The following ALX3 variants were observed in gnomAD, a reference collection of about 807,000 sequenced individuals.
The protein encoded by ALX3 is homeobox protein aristaless-like 3.
ALX3 carries 17 observed loss-of-function variants against 26.3 expected under a neutral mutation model. The observed-to-expected ratio is 0.65, with a 90% CI of 0.44 to 0.97. ALX3 has a LOEUF of 0.97. ALX3 is among the 50% of genes least tolerant of loss of function. The pLI, the probability that ALX3 is intolerant of heterozygous loss-of-function variation, is 0.00. For synonymous variants in ALX3, 208 were observed against 201.4 expected (o/e 1.03, Z -0.28); for missense variants, 461 against 466.5 (o/e 0.99, Z 0.11).
intron 2 of ALX3, 36 bp downstream of exon 2, chr1:110,064,551 G>A (rs781381223): frequency 1.2e-5 from 20 of 1,611,476 alleles, no homozygotes; most frequent in Non-Finnish European, 8.5e-7. Flanking sequence ...GTGTGATAGG[G>A]GCAGCCAGAG....
At chr1:110,063,574 G>C (rs192404568) in intron 2 of ALX3, among the ~76,000 whole-genome samples, 16 of 152,184 alleles carry the variant, frequency 1.1e-4, no homozygotes, top group Non-Finnish European at 1.5e-4. Flanking sequence ...GTCTCTGGAA[G>C]GGCCCCATGC....
chr1:110,070,630 A>G lies in ALX3; in HGVS notation c.-18T>C. ...GGGTCCATGCCGGCTCAGGGCGCACAGGCCTCCGGGGCTCCGGGGCTCGCG... is the reference window on the plus strand; with the variant it reads ...GGGTCCATGCCGGCTCAGGGCGCACGGGCCTCCGGGGCTCCGGGGCTCGCG... On this transcript the variant is annotated 5_prime_UTR_variant, in exon 1 of 4. Coordinates refer to ENST00000647563, the MANE Select transcript of ALX3 (RefSeq NM_006492.3). 5 of 1,214,670 alleles carry G rather than the reference A, an allele frequency of 4.1e-6. No homozygotes were observed. The highest frequency in any genetic ancestry group is 5.1e-6 in the Non-Finnish European group (5 of 977,834). The allele number at this position is 1,214,670 out of a possible 1,614,324, so 75.2% of individuals were successfully genotyped here.
chr1:110,070,666 C>T lies in ALX3; in HGVS notation c.-54G>A, dbSNP rs1469204799. Reference sequence around the variant, plus strand: ...GCTCCGGGGCTCGCGCTGCCCGCGCCGCCTGTGAGCGCCCGCCAAGGGGGA... The same window carrying T: ...GCTCCGGGGCTCGCGCTGCCCGCGCTGCCTGTGAGCGCCCGCCAAGGGGGA... On this transcript the variant is annotated 5_prime_UTR_variant, in exon 1 of 4. Transcript: ENST00000647563. The T allele has an allele frequency of 3.4e-6, 4 of 1,178,044 alleles. No homozygotes were observed. The highest frequency in any genetic ancestry group is 3.7e-5 in the East Asian group (1 of 26,996). The allele number at this position is 1,178,044 out of a possible 1,614,324, so 73.0% of individuals were successfully genotyped here.
intron 2 of ALX3, chr1:110,062,644 T>TCACAACAGAAGAAA (rs1653680458): frequency 1.4e-4 from 9 of 63,354 alleles, no homozygotes; most frequent in African/African-American, 7.2e-4. Flanking sequence ...TGTGTGTGTG[T>TCACAACAGAAGAAA]GGAGTAATCC....
At chr1:110,066,345 G>A (rs1189150797) in intron 1 of ALX3, among the ~76,000 whole-genome samples, 1 of 152,172 alleles carries the variant, frequency 6.6e-6, no homozygotes, top group African/African-American at 2.4e-5. Flanking sequence ...CTGTACACAG[G>A]CCTGTACACA....
Position 110,060,823 on chromosome 1 carries a change from A to G in ALX3, c.942T>C (p.Pro314=), listed in dbSNP as rs1213921867. 1.2e-6 allele frequency: 2 copies of G among 1,613,926 alleles called. No individual in the cohort carries two copies. The highest frequency in any genetic ancestry group is 1.1e-5 in the South Asian group (1 of 91,086). The part of the protein sequence containing the change: ...PPTLGGHSFE[P]SSDGDYKSPS... The stretch of plus-strand genomic sequence containing the variant: ...GAGACTTATAGTCACCATCTGAGGA[A>G]GGCTCAAAGCTGTGGCCCCCCAGGG... The change falls in exon 4 of 4, where the codon CCT becomes CCC. Residue 314 remains proline, a synonymous_variant. Coordinates refer to ENST00000647563, the MANE Select transcript of ALX3 (RefSeq NM_006492.3).
At chr1:110,062,745 TACC>T (rs1653686068) in intron 2 of ALX3, among the ~76,000 whole-genome samples, 1 of 151,828 alleles carries the variant, frequency 6.6e-6, no homozygotes, top group African/African-American at 2.4e-5. Context: ...GGGCTGTGCA[TACC>T]CCATCCCCCT....
chr1:110,066,583 C>CCG lies in ALX3; in HGVS notation c.278-1681_278-1680insCG, dbSNP rs1318975429. Among the ~76,000 whole-genome samples, 6 of 132,194 alleles carry CCG rather than the reference C, an allele frequency of 4.5e-5. 1 individual carries two copies. The East Asian group carries it at 1.4e-3, about 31-fold the overall frequency. The allele number at this position is 132,194 out of a possible 152,430, so 86.7% of individuals were successfully genotyped here. A position where few individuals can be genotyped will look rare whatever the true frequency, so the allele number is the denominator to read the frequency against. On this transcript the variant is annotated intron_variant, in intron 1 of 3. Coordinates refer to ENST00000647563, the MANE Select transcript of ALX3 (RefSeq NM_006492.3). ...ACTGGAATGGGACATCCCCCCCCCCCGCCCCCGCCACCCCCACCACATGCA... is the reference window on the plus strand; with the variant it reads ...ACTGGAATGGGACATCCCCCCCCCCCCGGCCCCCGCCACCCCCACCACATGCA...
chr1:110,070,500 A>G lies in ALX3; in HGVS notation c.113T>C (p.Leu38Pro). ...CGGGCCGCGGGGCGGCGCGGGGTGC[A>G]GGTGAGGCGCAGCGGCGGGGGTTCC... ...PQGTPAAAPH[L>P]HPAPPRGPRL... Residue 38 changes from leucine (L) to proline (P), a missense_variant, in exon 1 of 4, where the codon CTG becomes CCG. Leu to Pro is a moderately conservative substitution (Grantham distance 98, BLOSUM62 -3). Coordinates refer to ENST00000647563, the MANE Select transcript of ALX3 (RefSeq NM_006492.3). 7.8e-7 allele frequency: 1 copy of G among 1,275,122 alleles called. No homozygotes were observed. Among genetic ancestry groups the G allele is most frequent in the Non-Finnish European group, 9.9e-7 (1 of 1,011,864 alleles). 79.0% of individuals were successfully genotyped at this position (1,275,122 alleles called of 1,614,324 possible).
intron 1 of ALX3, 105 bp downstream of exon 1, chr1:110,070,231 A>C: frequency 8.3e-7 from 1 of 1,209,930 alleles, no homozygotes; most frequent in Non-Finnish European, 1.0e-6. Context: ...CAAAAAGTTG[A>C]GAAATAGGCG....
In ALX3 at chr1:110,060,018, C is replaced by A. The variant is rs959552745; in HGVS notation, c.*715G>T. Reference sequence around the variant, plus strand: ...TCAGTCTGTAGAAATCTGTTTTATTCTTACCAACATCCAATATCATTTCCA... The same window carrying A: ...TCAGTCTGTAGAAATCTGTTTTATTATTACCAACATCCAATATCATTTCCA... On this transcript the variant is annotated 3_prime_UTR_variant, in exon 4 of 4. Transcript: ENST00000647563. 1.3e-5 allele frequency: 2 copies of A among 149,684 alleles called. No individual in the cohort carries two copies. Among genetic ancestry groups the A allele is most frequent in the Admixed American group, 6.7e-5 (1 of 14,924 alleles). 9.3% of individuals were successfully genotyped at this position (149,684 alleles called of 1,614,324 possible).
chr1:110,064,517 C>T (rs1223440540), intron 2 of ALX3, 70 bp downstream of exon 2: 1 of 1,576,562 alleles, frequency 6.3e-7, no homozygotes, highest in African/African-American at 1.3e-5. Flanking sequence ...TCTCCCAGCC[C>T]TTCCAGATCA....
intron 1 of ALX3, among the ~76,000 whole-genome samples, 180 bp from the exon 2 acceptor site, chr1:110,065,083 C>T (rs983024459): frequency 6.6e-6 from 1 of 151,956 alleles, no homozygotes; most frequent in African/African-American, 2.4e-5. Flanking sequence ...GCCTGCTGAG[C>T]CTCCAGCTGG....
intron 2 of ALX3, among the ~76,000 whole-genome samples, chr1:110,062,716 TAAGGCACCAACA>T (rs1653685493): frequency 1.3e-5 from 2 of 150,686 alleles, no homozygotes; most frequent in African/African-American, 4.9e-5. Context: ...TGCAGGCAGG[TAAGGCACCAACA>T]GTGAAGGGGC....
In ALX3 at chr1:110,070,433, G is replaced by T; in HGVS notation, c.180C>A (p.Tyr60Ter). Residue 60 changes from tyrosine (Y) to a stop codon, truncating the protein, a stop_gained, in exon 1 of 4, where the codon TAC (tyrosine) becomes TAA (stop). Transcript: ENST00000647563. LOFTEE classifies it high-confidence loss of function. ...RFPACGPLEP[Y>*]LPEPAKPPAK... ...CGGGCGGCTTGGCCGGCTCTGGGAG[G>T]TAGGGCTCCAGGGGCCCGCAGGCCG... 4.7e-6 allele frequency: 6 copies of T among 1,267,932 alleles called. No individual in the cohort carries two copies. The highest frequency in any genetic ancestry group is 6.0e-6 in the Non-Finnish European group (6 of 1,008,350). 78.5% of individuals were successfully genotyped at this position (1,267,932 alleles called of 1,614,324 possible).
chr1:110,060,781 G>T lies in ALX3; in HGVS notation c.984C>A (p.Leu328=). Residue 328 remains leucine (L), a synonymous_variant, in exon 4 of 4, where the codon CTC becomes CTA. Transcript: ENST00000647563. ...GDYKSPSLVS[L]RVKPKEPPGL... ...CGGGTGGCTCCTTGGGCTTTACCCT[G>T]AGCGAGACGAGGCTTGGAGACTTAT... 3 of 1,612,948 alleles carry T rather than the reference G, an allele frequency of 1.9e-6. No individual in the cohort carries two copies. Among genetic ancestry groups the T allele is most frequent in the Non-Finnish European group, 2.5e-6 (3 of 1,179,368 alleles).
rs1278835964 is a variant in ALX3, at chr1:110,060,630, G to A, written c.*103C>T. 1.2e-4 allele frequency: 45 copies of A among 362,688 alleles called. No homozygotes were observed. Among genetic ancestry groups the A allele is most frequent in the Non-Finnish European group, 1.3e-4 (36 of 282,286 alleles). 22.5% of individuals were successfully genotyped at this position (362,688 alleles called of 1,614,324 possible). A position where few individuals can be genotyped will look rare whatever the true frequency, so the allele number is the denominator to read the frequency against. ...GGGGCTGACAGTGCCAGCTGCTCTCGCAGCCTCCAGAACCATCTGGGGCTT... is the reference window on the plus strand; with the variant it reads ...GGGGCTGACAGTGCCAGCTGCTCTCACAGCCTCCAGAACCATCTGGGGCTT... On this transcript the variant is annotated 3_prime_UTR_variant, in exon 4 of 4. Transcript: ENST00000647563.
At chr1:110,061,364 C>T (rs560343001) in intron 3 of ALX3, 71 bp downstream of exon 3, 28 of 1,611,456 alleles carry the variant, frequency 1.7e-5, no homozygotes, top group Non-Finnish European at 2.4e-5. Flanking sequence ...CTCCAGGTTT[C>T]TTCAGGCCAG....
chr1:110,067,291 GGT>G (rs1161117844), intron 1 of ALX3, among the ~76,000 whole-genome samples: 1 of 152,226 alleles, frequency 6.6e-6, no homozygotes, highest in Non-Finnish European at 1.5e-5. Context: ...GCACATCTGA[GGT>G]GTGTATGGAT....
Sources: allele counts gnomAD v4.1 joint callset (sites outside exome capture counted in the v4.1 genomes callset), GRCh38; gene constraint gnomAD v4.1.1; transcripts MANE v1.5; gene names NCBI Gene and HGNC (gene_info 2026-07-23, HGNC 2026-07-21).